The following PHLDB2 variants were observed in gnomAD, a reference collection of about 807,000 sequenced individuals.
PHLDB2 encodes pleckstrin homology-like domain family B member 2.
A neutral mutation model predicts 123.6 loss-of-function variants in PHLDB2; 71 were observed. The observed-to-expected ratio is 0.57, with a 90% CI of 0.47 to 0.70. The LOEUF is 0.70. Among genes scored for constraint, PHLDB2 ranks in the 30% least tolerant of loss-of-function variants. The pLI, the probability that PHLDB2 is intolerant of heterozygous loss-of-function variation, is 0.00. For synonymous variants in PHLDB2, 547 were observed against 541.6 expected (o/e 1.01, Z -0.14); for missense variants, 1,446 against 1,519.5 (o/e 0.95, Z 0.80).
chr3:111,739,590 AAACAAAC>A (rs2059566183), intron 1 of PHLDB2, among the ~76,000 whole-genome samples: 7 of 84,050 alleles, frequency 8.3e-5, no homozygotes, highest in Non-Finnish European at 1.2e-4. Context: ...AAAAAAAACA[AAACAAAC>A]AAAAAAAAAA....
chr3:111,834,915 T>G (rs1382757500), intron 1 of PHLDB2, among the ~76,000 whole-genome samples: 1 of 152,150 alleles, frequency 6.6e-6, no homozygotes, highest in Non-Finnish European at 1.5e-5. Flanking sequence ...TTATATATCC[T>G]TTCTACACAT....
intron 12 of PHLDB2, among the ~76,000 whole-genome samples, chr3:111,956,121 G>A (rs1445976065): frequency 2.6e-5 from 4 of 152,114 alleles, no homozygotes; most frequent in African/African-American, 9.7e-5. Flanking sequence ...CTTGAGCCTG[G>A]GAGTCAAGGC....
chr3:111,871,600 G>A (rs1307689467), intron 1 of PHLDB2, among the ~76,000 whole-genome samples: 1 of 152,162 alleles, frequency 6.6e-6, no homozygotes, highest in Non-Finnish European at 1.5e-5. Flanking sequence ...GTTGCAGTGA[G>A]GCAAGATTGT....
At chr3:111,819,620 C>CA (rs2108391367) in intron 1 of PHLDB2, among the ~76,000 whole-genome samples, 1 of 152,128 alleles carries the variant, frequency 6.6e-6, no homozygotes, top group South Asian at 2.1e-4. Flanking sequence ...ATAAAATGCC[C>CA]AAAAAACCAA....
intron 1 of PHLDB2, among the ~76,000 whole-genome samples, chr3:111,801,499 T>C (rs971393551): frequency 4.6e-5 from 7 of 152,242 alleles, no homozygotes; most frequent in Non-Finnish European, 8.8e-5. Flanking sequence ...TTAATAAATT[T>C]GTGCCTTTAT....
intron 2 of PHLDB2, chr3:111,911,623 G>A (rs1445982643): frequency 5.2e-6 from 8 of 1,535,940 alleles, no homozygotes; most frequent in Non-Finnish European, 7.0e-6. Context: ...GGGTGCAGAA[G>A]AGCCCAAGAT....
intron 15 of PHLDB2, among the ~76,000 whole-genome samples, chr3:111,968,909 T>C (rs10511302): frequency 0.39 from 59,246 of 152,040 alleles, 12,114 homozygotes; most frequent in East Asian, 0.56. Context: ...CCTCCAAGTA[T>C]ATAATTAGGT....
chr3:111,761,796 A>G (rs2059999789), intron 1 of PHLDB2, among the ~76,000 whole-genome samples: 1 of 152,170 alleles, frequency 6.6e-6, no homozygotes, highest in African/African-American at 2.4e-5. Flanking sequence ...TTTAGGCAAT[A>G]CCGGTTTCAG....
chr3:111,742,541 A>T (rs1207705425), intron 1 of PHLDB2, among the ~76,000 whole-genome samples: 2 of 151,714 alleles, frequency 1.3e-5, no homozygotes, highest in Admixed American at 1.3e-4. Flanking sequence ...ATTCCCACCT[A>T]TGAGTGAGAA....
intron 1 of PHLDB2, among the ~76,000 whole-genome samples, chr3:111,838,846 A>G (rs2063537286): frequency 6.6e-6 from 1 of 152,200 alleles, no homozygotes; most frequent in Non-Finnish European, 1.5e-5. Context: ...CTAAGAACAG[A>G]TACACTTCTA....
intron 1 of PHLDB2, among the ~76,000 whole-genome samples, chr3:111,817,691 G>C (rs1049146728): frequency 6.6e-6 from 1 of 152,116 alleles, no homozygotes; most frequent in Non-Finnish European, 1.5e-5. Context: ...TGGTTCCCCA[G>C]GTAGACATAG....
intron 1 of PHLDB2, among the ~76,000 whole-genome samples, chr3:111,877,080 T>G (rs1158013188): frequency 6.6e-6 from 1 of 152,246 alleles, no homozygotes; most frequent in Non-Finnish European, 1.5e-5. Context: ...TTTGGGTATA[T>G]ATCCAGTAAT....
intron 2 of PHLDB2, among the ~76,000 whole-genome samples, chr3:111,852,089 T>A (rs770763180): frequency 1.0e-3 from 156 of 152,100 alleles, no homozygotes; most frequent in Non-Finnish European, 9.4e-4. Flanking sequence ...TACAGTTATA[T>A]GCTAGGCAGT....
chr3:111,945,233 G>T, intron 8 of PHLDB2, 35 bp from the exon 9 acceptor site: 1 of 1,446,866 alleles, frequency 6.9e-7, no homozygotes, highest in South Asian at 1.2e-5. Flanking sequence ...ATCGAAGGTT[G>T]ACTTTTAAGT....
In PHLDB2 at chr3:111,746,093, T is replaced by C. The variant is rs574009027; in HGVS notation, c.-49+13390T>C. ...CTCTAAAGGCAGTTGCAGACAGATA[T>C]ATGGGCAAAAGTTGGATGTGAGGTT... On this transcript the variant is annotated intron_variant, in intron 1 of 17. Transcript: ENST00000393923. 7.9e-5 allele frequency among the ~76,000 whole-genome samples: 12 copies of C among 152,280 alleles called. 1 individual carries two copies. Among genetic ancestry groups the C allele is most frequent in the African/African-American group, 2.9e-4 (12 of 41,554 alleles).
At chr3:111,869,603 A>G (rs2065245136) in intron 1 of PHLDB2, among the ~76,000 whole-genome samples, 1 of 152,072 alleles carries the variant, frequency 6.6e-6, no homozygotes, top group South Asian at 2.1e-4. Flanking sequence ...AATTCCGAGG[A>G]TGTGTCTTGT....
intron 1 of PHLDB2, among the ~76,000 whole-genome samples, chr3:111,825,031 A>T (rs988381457): frequency 1.3e-5 from 2 of 152,236 alleles, no homozygotes; most frequent in African/African-American, 4.8e-5. Flanking sequence ...TCTACATTTA[A>T]AGGAAGACTA....
At chr3:111,896,013 T>C (rs1434877070) in intron 2 of PHLDB2, among the ~76,000 whole-genome samples, 1 of 152,188 alleles carries the variant, frequency 6.6e-6, no homozygotes, top group Non-Finnish European at 1.5e-5. Context: ...TATTCTTTTT[T>C]TGAGGAGAGT....
At chr3:111,940,230 C>T (rs1018411672) in intron 7 of PHLDB2, among the ~76,000 whole-genome samples, 3 of 152,224 alleles carry the variant, frequency 2.0e-5, no homozygotes, top group Admixed American at 1.3e-4. Flanking sequence ...TCTCATGAGG[C>T]GTACCCAAGA....
Sources: allele counts gnomAD v4.1 joint callset (sites outside exome capture counted in the v4.1 genomes callset), GRCh38; gene constraint gnomAD v4.1.1; transcripts MANE v1.5; gene names NCBI Gene and HGNC (gene_info 2026-07-23, HGNC 2026-07-21).